The following NTRK1 variants were observed in gnomAD, a reference collection of about 807,000 sequenced individuals.
NTRK1 encodes neurotrophic receptor tyrosine kinase 1, also known as high affinity nerve growth factor receptor.
A neutral mutation model predicts 86.8 loss-of-function variants in NTRK1; 62 were observed. That is an observed-to-expected ratio of 0.71 (90% confidence interval 0.58 to 0.88). NTRK1 has a LOEUF of 0.88. Ranked by LOEUF, NTRK1 falls within the 40% of genes least tolerant of loss-of-function variation. The pLI is 0.00. For missense variants in NTRK1, 967 were observed against 1,078.4 expected (o/e 0.90, Z 1.45); for synonymous variants, 469 against 456.6 (o/e 1.03, Z -0.35).
intron 4 of NTRK1, among the ~76,000 whole-genome samples, chr1:156,867,890 G>A (rs981339331): frequency 2.0e-5 from 3 of 147,358 alleles, no homozygotes; most frequent in Non-Finnish European, 4.5e-5. Context: ...AGCCAGGATG[G>A]TCTCGATCTT....
intron 1 of NTRK1, among the ~76,000 whole-genome samples, chr1:156,861,674 T>C (rs1558096319): frequency 6.6e-6 from 1 of 152,184 alleles, no homozygotes; most frequent in Non-Finnish European, 1.5e-5. Context: ...GGTTGAGCTC[T>C]CCTCTTTCCA....
rs2102924961 is a variant in NTRK1 at position 156,879,298 on chromosome 1, G to A, written c.1982G>A (p.Gly661Glu). 1 of 1,613,342 alleles carries A rather than the reference G, an allele frequency of 6.2e-7. No homozygotes were observed. The highest frequency in any genetic ancestry group is 1.3e-5 in the African/African-American group (1 of 75,048). The change falls in exon 15 of 17, where the codon GGA (glycine) becomes GAA (glutamate). Residue 661 changes from glycine (G) to glutamate (E), a missense_variant. Around this residue, in one of 2 missense-constraint regions of NTRK1, gnomAD observed 637 missense variants for 776.5 expected, o/e 0.82. Coordinates refer to ENST00000524377, the MANE Select transcript of NTRK1 (RefSeq NM_002529.4). ...LATRNCLVGQGLVVKIGDFGM... is the reference protein window; with the variant it reads ...LATRNCLVGQELVVKIGDFGM... Reference sequence around the variant, plus strand: ...ACACGCAACTGTCTAGTGGGCCAGGGACTGGTGGTCAAGATTGGTGATTTT... The same window carrying A: ...ACACGCAACTGTCTAGTGGGCCAGGAACTGGTGGTCAAGATTGGTGATTTT...
At chr1:156,828,749 C>T (rs1259500995) in intron 1 of NTRK1, among the ~76,000 whole-genome samples, 1 of 152,220 alleles carries the variant, frequency 6.6e-6, no homozygotes, top group East Asian at 1.9e-4. Context: ...ACCAGAAAGG[C>T]TGTGTGGCTT....
chr1:156,820,491 C>A (rs990105071), intron 1 of NTRK1, among the ~76,000 whole-genome samples: 51 of 152,232 alleles, frequency 3.4e-4, no homozygotes, highest in Admixed American at 2.9e-3. Flanking sequence ...AAGCCATCTG[C>A]CTGCCTTGGC....
intron 2 of NTRK1, among the ~76,000 whole-genome samples, chr1:156,852,380 G>A (rs113373673): frequency 2.8e-4 from 42 of 152,376 alleles, no homozygotes; most frequent in African/African-American, 9.1e-4. Flanking sequence ...GACTGTGGCC[G>A]TCTGTGGCTC....
chr1:156,880,199 C>G (rs2102928139), intron 16 of NTRK1, 42 bp downstream of exon 16: 1 of 1,606,004 alleles, frequency 6.2e-7, no homozygotes, highest in Non-Finnish European at 8.5e-7. Context: ...GCCTCCCCGT[C>G]CCATGCCCCT....
At chr1:156,816,479 G>A (rs984034715) in intron 1 of NTRK1, among the ~76,000 whole-genome samples, 11 of 152,192 alleles carry the variant, frequency 7.2e-5, no homozygotes, top group African/African-American at 2.4e-4. Flanking sequence ...AACAAACCCT[G>A]TCACCTTTAT....
At chr1:156,852,963 A>G (rs1031297632) in intron 2 of NTRK1, among the ~76,000 whole-genome samples, 1 of 151,938 alleles carries the variant, frequency 6.6e-6, no homozygotes, top group East Asian at 2.0e-4. Context: ...GGAAAAGACC[A>G]CCAGGTTGGG....
intron 1 of NTRK1, among the ~76,000 whole-genome samples, chr1:156,862,438 T>C (rs1036635717): frequency 2.0e-5 from 3 of 152,100 alleles, no homozygotes; most frequent in South Asian, 2.1e-4. Flanking sequence ...CCATCAGGGC[T>C]CGTGTTTCCC....
At chr1:156,833,299 G>A (rs1410456316) in intron 1 of NTRK1, among the ~76,000 whole-genome samples, 3 of 152,196 alleles carry the variant, frequency 2.0e-5, no homozygotes, top group Admixed American at 1.3e-4. Context: ...GCTCATGCCT[G>A]TAATCCCAGC....
At chr1:156,878,345 C>T (rs964026793) in intron 14 of NTRK1, among the ~76,000 whole-genome samples, 1 of 152,184 alleles carries the variant, frequency 6.6e-6, no homozygotes, top group African/African-American at 2.4e-5. Flanking sequence ...GGAAGCCTTC[C>T]CTGGCTTTTT....
At chr1:156,864,219 G>C in intron 1 of NTRK1, 135 bp from the exon 2 acceptor site, 3 of 788,310 alleles carry the variant, frequency 3.8e-6, no homozygotes, top group Middle Eastern at 2.2e-4. Context: ...CTGTGTAAGT[G>C]TGTATGCAGG....
chr1:156,853,601 G>T (rs1558091249), intron 2 of NTRK1: 1 of 813,760 alleles, frequency 1.2e-6, no homozygotes, highest in Non-Finnish European at 1.9e-6. Context: ...ACTTTTCTGA[G>T]CCTTAGTTTC....
At chr1:156,878,773 G>T (rs1001066671) in intron 14 of NTRK1, among the ~76,000 whole-genome samples, 14 of 152,224 alleles carry the variant, frequency 9.2e-5, no homozygotes, top group Non-Finnish European at 1.5e-4. Context: ...TGAGGCAGGG[G>T]CAGGCTTGGG....
upstream of NTRK1, among the ~76,000 whole-genome samples, chr1:156,857,669 C>T (rs1257424868): frequency 6.6e-6 from 1 of 152,200 alleles, no homozygotes; most frequent in African/African-American, 2.4e-5. Flanking sequence ...TTGCATCACT[C>T]TCCCATCTCC....
chr1:156,860,192 G>T (rs1021174203), upstream of NTRK1, among the ~76,000 whole-genome samples: 5 of 152,208 alleles, frequency 3.3e-5, no homozygotes, highest in South Asian at 1.0e-3. Flanking sequence ...CTCACTGGGG[G>T]CTGCAGATCG....
At chr1:156,858,595 C>G, upstream of NTRK1, 1 of 1,614,118 alleles carries the variant, frequency 6.2e-7, no homozygotes, top group African/African-American at 1.3e-5. Context: ...GGCATGCTCC[C>G]CAGGGCCACA....
At chr1:156,869,103 G>C (rs925060961) in intron 6 of NTRK1, among the ~76,000 whole-genome samples, 3 of 127,172 alleles carry the variant, frequency 2.4e-5, no homozygotes, top group Admixed American at 9.1e-5. Flanking sequence ...ATGGAGTTTC[G>C]CTCTGTTGCC....
At chr1:156,827,932 A>G (rs1654365479) in intron 1 of NTRK1, among the ~76,000 whole-genome samples, 2 of 152,140 alleles carry the variant, frequency 1.3e-5, no homozygotes, top group Admixed American at 1.3e-4. Context: ...TTATGAAGGT[A>G]TGAAAAAAAC....
Sources: allele counts gnomAD v4.1 joint callset (sites outside exome capture counted in the v4.1 genomes callset), GRCh38; gene constraint gnomAD v4.1.1; regional missense constraint gnomAD v4.1.1; transcripts MANE v1.5; gene names NCBI Gene and HGNC (gene_info 2026-07-23, HGNC 2026-07-21).